Variants in TULP1 observed in about 807,000 individuals in gnomAD.
The protein encoded by TULP1 is TUB like protein 1.
A neutral mutation model predicts 67.1 loss-of-function variants in TULP1; 50 were observed. The ratio of observed to expected loss-of-function variants is 0.75; its 90% CI spans 0.59 to 0.94. The LOEUF (loss-of-function observed/expected upper bound fraction) is 0.94, where lower values mean the gene tolerates loss of function less well. Among genes scored for constraint, TULP1 ranks in the 40% least tolerant of loss-of-function variants. The pLI is 0.00. For missense variants in TULP1, 746 were observed against 734.1 expected (o/e 1.02, Z -0.19); for synonymous variants, 297 against 294.0 (o/e 1.01, Z -0.11).
At position 35,506,121 on chromosome 6, in the gene TULP1, A is replaced by G; in HGVS notation, c.881T>C (p.Phe294Ser). 1 of 1,613,502 alleles carries G rather than the reference A, an allele frequency of 6.2e-7. No individual in the cohort carries two copies. The highest frequency in any genetic ancestry group is 8.5e-7 in the Non-Finnish European group (1 of 1,179,936). Residue 294 changes from phenylalanine (F) to serine (S), a missense_variant, in exon 10 of 15, where the codon TTT (phenylalanine) becomes TCT (serine). Phe to Ser is a radical substitution (Grantham distance 155). This residue lies in a region of TULP1 where 383 missense variants were observed against 374.1 expected (regional missense o/e 1.02). Transcript: ENST00000229771. ...GCCCTGGGGGGCAGGCCGGAGCACA[A>G]ACTCCCGGGGTTCGTCCACCTCCAC... is the stretch of plus-strand genomic sequence containing the variant. Reference protein sequence around the residue: ...PPVEVDEPREFVLRPAPQGRT... With the variant: ...PPVEVDEPRESVLRPAPQGRT...
In TULP1 at chr6:35,505,983, T is replaced by G. The variant is rs1373609705; in HGVS notation, c.999+20A>C. 1.2e-6 allele frequency: 2 copies of G among 1,614,136 alleles called. No homozygotes were observed. The highest frequency in any genetic ancestry group is 2.2e-5 in the East Asian group (1 of 44,876). Reference sequence around the variant, plus strand: ...CCGGATCCCTCCACACTCCCTCCTCTGCTGCCTCTCCCCACCCACCTTCTT... The same window carrying G: ...CCGGATCCCTCCACACTCCCTCCTCGGCTGCCTCTCCCCACCCACCTTCTT... On this transcript the variant is annotated intron_variant, in intron 10 of 14. Transcript: ENST00000229771.
chr6:35,498,476 G>A lies in TULP1; in HGVS notation c.1496-16C>T, dbSNP rs1561811594. The A allele has an allele frequency of 1.2e-6, 2 of 1,613,460 alleles. No homozygotes were observed. The highest frequency in any genetic ancestry group is 1.7e-6 in the Non-Finnish European group (2 of 1,179,988). Reference sequence around the variant, plus strand: ...ATATAGTCGGCTATGGACACAAGACGGGGTGGGGGCGGCCCGAGACCTCCT... The same window carrying A: ...ATATAGTCGGCTATGGACACAAGACAGGGTGGGGGCGGCCCGAGACCTCCT... On this transcript the variant is annotated splice_polypyrimidine_tract_variant and intron_variant, in intron 14 of 14. Coordinates refer to ENST00000229771, the MANE Select transcript of TULP1 (RefSeq NM_003322.6). This position sits in a 1 kb window ranked among gnomAD's most constrained non-coding sequence, Gnocchi z 6.7.
At chr6:35,508,552 G>T (rs1761125766) in intron 8 of TULP1, among the ~76,000 whole-genome samples, 1 of 152,152 alleles carries the variant, frequency 6.6e-6, no homozygotes, top group African/African-American at 2.4e-5. Flanking sequence ...GAAGACTTTT[G>T]TTACTTTCTG....
At chr6:35,504,618 T>G (rs1465385942) in intron 11 of TULP1, among the ~76,000 whole-genome samples, 1 of 152,064 alleles carries the variant, frequency 6.6e-6, no homozygotes, top group Non-Finnish European at 1.5e-5. Context: ...TGGAGTGCAG[T>G]GGCATGATCT....
chr6:35,507,472 G>C (rs913411271), intron 8 of TULP1, among the ~76,000 whole-genome samples: 1 of 152,066 alleles, frequency 6.6e-6, no homozygotes, highest in Non-Finnish European at 1.5e-5. Flanking sequence ...GTTTTAAGAT[G>C]CTCAGTTTGG....
At chr6:35,506,506 T>A (rs1041568185) in intron 8 of TULP1, among the ~76,000 whole-genome samples, 4 of 152,256 alleles carry the variant, frequency 2.6e-5, no homozygotes, top group African/African-American at 9.6e-5. Context: ...CTGTCTTCAC[T>A]GTTAAGTTTC....
At position 35,498,519 on chromosome 6, in the gene TULP1, A is replaced by C. The variant is rs1768758590; in HGVS notation, c.1496-59T>G. ...GACCTCCTTGGACCCCCATCCTGGCAGACAGTGCCCTCAACCTTGGGGGCA... is the reference window on the plus strand; with the variant it reads ...GACCTCCTTGGACCCCCATCCTGGCCGACAGTGCCCTCAACCTTGGGGGCA... On this transcript the variant is annotated intron_variant, in intron 14 of 14. Transcript: ENST00000229771. The surrounding 1 kb of genome is among the most constrained non-coding windows in gnomAD (Gnocchi z 6.7). 6.2e-7 allele frequency: 1 copy of C among 1,610,028 alleles called. No individual in the cohort carries two copies. The highest frequency in any genetic ancestry group is 8.5e-7 in the Non-Finnish European group (1 of 1,178,842).
chr6:35,499,946 G>C, intron 14 of TULP1, 35 bp downstream of exon 14: 1 of 1,612,658 alleles, frequency 6.2e-7, no homozygotes, highest in Non-Finnish European at 8.5e-7. Context: ...TGGGGGTGGT[G>C]GAGAAGAGCC....
Position 35,503,989 on chromosome 6 carries a change from C to T in TULP1, c.1113-141G>A, listed in dbSNP as rs553830340. ...GGACTGAGCAATTCATGTCCCCTGC[C>T]CCAGGCTTCCCCCTATGCAGAGGTC... On this transcript the variant is annotated intron_variant, in intron 11 of 14. Transcript: ENST00000229771. The surrounding 1 kb of genome is among the most constrained non-coding windows in gnomAD (Gnocchi z 4.0). 707 of 645,626 alleles carry T rather than the reference C, an allele frequency of 1.1e-3. 1 individual carries two copies. The highest frequency in any genetic ancestry group is 1.8e-3 in the Non-Finnish European group (649 of 366,096). The allele number at this position is 645,626 out of a possible 1,614,324, so 40.0% of individuals were successfully genotyped here. A position where few individuals can be genotyped will look rare whatever the true frequency, so the allele number is the denominator to read the frequency against.
chr6:35,504,859 C>T (rs1275674174), intron 11 of TULP1, among the ~76,000 whole-genome samples: 1 of 151,980 alleles, frequency 6.6e-6, no homozygotes, highest in Admixed American at 6.6e-5. Flanking sequence ...AGCCATCACG[C>T]CTGGCCTGGA....
rs1198544658 is a variant in TULP1 at position 35,498,408 on chromosome 6, T to G, written c.1548A>C (p.Leu516=). 1 of 1,613,944 alleles carries G rather than the reference T, an allele frequency of 6.2e-7. No homozygotes were observed. The part of the protein sequence containing the change: ...FGRVAEDAFT[L]DYRYPLCALQ... Reference sequence around the variant, plus strand: ...GGGCGCACAGCGGGTACCGGTAGTCTAGGGTGAAGGCGTCCTCCGCCACGC... The same window carrying G: ...GGGCGCACAGCGGGTACCGGTAGTCGAGGGTGAAGGCGTCCTCCGCCACGC... Residue 516 remains leucine, a synonymous_variant, in exon 15 of 15, where the codon CTA becomes CTC. Coordinates refer to ENST00000229771, the MANE Select transcript of TULP1 (RefSeq NM_003322.6). The surrounding 1 kb of genome is among the most constrained non-coding windows in gnomAD (Gnocchi z 6.7).
intron 8 of TULP1, among the ~76,000 whole-genome samples, chr6:35,507,304 T>C (rs1256136299): frequency 1.3e-5 from 2 of 152,006 alleles, no homozygotes; most frequent in East Asian, 1.9e-4. Flanking sequence ...GGAACTATTT[T>C]AGAAGTGGAT....
In TULP1 at chr6:35,506,073, G is replaced by C. The variant is rs1240893955; in HGVS notation, c.929C>G (p.Thr310Ser). ...TCGATCCATGCCCTTTTTGTCCCGG[G>C]TCAGCCGGCAGCGCACCGTGCGGCC... ...PQGRTVRCRL[T>S]RDKKGMDRGM... The change falls in exon 10 of 15, where the codon ACC becomes AGC. Residue 310 changes from threonine (T) to serine (S), a missense_variant. Physicochemically the swap from Thr to Ser is moderately conservative, Grantham distance 58. Coordinates refer to ENST00000229771, the MANE Select transcript of TULP1 (RefSeq NM_003322.6). 1.2e-6 allele frequency: 2 copies of C among 1,613,734 alleles called. No individual in the cohort carries two copies. The highest frequency in any genetic ancestry group is 1.7e-6 in the Non-Finnish European group (2 of 1,180,026).
At position 35,503,569 on chromosome 6, in the gene TULP1, C is replaced by T. The variant is rs761803877; in HGVS notation, c.1313G>A (p.Arg438Gln). ...MSAENERVPI[R>Q]PRNASDGLLV... ...AGGTGCGGGGCTCACATTTCGGGGC[C>T]GGATGGGGACCCTCTCGTTCTCCGC... is the stretch of plus-strand genomic sequence containing the variant. The change falls in exon 13 of 15, where the codon CGG becomes CAG. Residue 438 changes from arginine to glutamine, a missense_variant. Arg to Gln is a conservative substitution (Grantham distance 43, BLOSUM62 1). Coordinates refer to ENST00000229771, the MANE Select transcript of TULP1 (RefSeq NM_003322.6). This position sits in a 1 kb window ranked among gnomAD's most constrained non-coding sequence, Gnocchi z 4.0. The T allele has an allele frequency of 1.1e-5, 18 of 1,574,014 alleles. No individual in the cohort carries two copies. The highest frequency in any genetic ancestry group is 1.8e-5 in the Admixed American group (1 of 54,260).
intron 9 of TULP1, 26 bp downstream of exon 9, chr6:35,506,248 A>T (rs1335405026): frequency 6.2e-7 from 1 of 1,602,242 alleles, no homozygotes; most frequent in African/African-American, 1.3e-5. Flanking sequence ...GTGCTGAGAC[A>T]CGGGCAGCCC....
chr6:35,498,577 G>A lies in TULP1; in HGVS notation c.1496-117C>T, dbSNP rs12210956. On this transcript the variant is annotated intron_variant, in intron 14 of 14. Coordinates refer to ENST00000229771, the MANE Select transcript of TULP1 (RefSeq NM_003322.6). The surrounding 1 kb of genome is among the most constrained non-coding windows in gnomAD (Gnocchi z 6.7). ...CCTTGCCTTGGGGCTCCAACCCTCA[G>A]CCACCATCTCAGTTACTCAACACCC... is the stretch of plus-strand genomic sequence containing the variant. 181 of 1,479,870 alleles carry A rather than the reference G, an allele frequency of 1.2e-4. No homozygotes were observed. Among genetic ancestry groups the A allele is most frequent in the Non-Finnish European group, 1.5e-4 (167 of 1,090,108 alleles). 91.7% of individuals were successfully genotyped at this position (1,479,870 alleles called of 1,614,324 possible).
Position 35,512,547 on chromosome 6 carries a change from G to T in TULP1, c.99+92C>A, listed in dbSNP as rs1761232389. On this transcript the variant is annotated intron_variant, in intron 2 of 14. Transcript: ENST00000229771. Reference sequence around the variant, plus strand: ...ATGCAACCCCCAGACCCTGCTAAGGGGGACCTGTCCCACCCCTAGACCCCC... The same window carrying T: ...ATGCAACCCCCAGACCCTGCTAAGGTGGACCTGTCCCACCCCTAGACCCCC... 3.2e-6 allele frequency: 5 copies of T among 1,550,294 alleles called. No individual in the cohort carries two copies. In the Admixed American group the frequency reaches 8.4e-5, roughly 26 times the overall value.
intron 5 of TULP1, 71 bp from the exon 6 acceptor site, chr6:35,509,999 T>C: frequency 6.9e-7 from 1 of 1,447,214 alleles, no homozygotes; most frequent in Non-Finnish European, 9.7e-7. Flanking sequence ...CCAACCCTCT[T>C]GTCCTGCCTA....
rs749392203 is a variant in TULP1 at position 35,500,049 on chromosome 6, G to T, written c.1427C>A (p.Thr476Asn). ...PVWNDDSGSY[T>N]LNFQGRVTQA... ...GGTGACCCGGCCTTGGAAGTTGAGG[G>T]TGTAGGAGCCACTGTCATCGTTCCA... Residue 476 changes from threonine to asparagine, a missense_variant, in exon 14 of 15, where the codon ACC becomes AAC. Physicochemically the swap from Thr to Asn is moderately conservative, Grantham distance 65. Coordinates refer to ENST00000229771, the MANE Select transcript of TULP1 (RefSeq NM_003322.6). The T allele has an allele frequency of 1.2e-6, 2 of 1,614,202 alleles. No homozygotes were observed. The highest frequency in any genetic ancestry group is 8.5e-7 in the Non-Finnish European group (1 of 1,180,036).
Sources: allele counts gnomAD v4.1 joint callset (sites outside exome capture counted in the v4.1 genomes callset), GRCh38; gene constraint gnomAD v4.1.1; regional missense constraint gnomAD v4.1.1; non-coding constraint Gnocchi (gnomAD v3.1); transcripts MANE v1.5; gene names NCBI Gene and HGNC (gene_info 2026-07-23, HGNC 2026-07-21).